The following KLHL3 variants were observed in gnomAD, a reference collection of about 807,000 sequenced individuals.
The protein encoded by KLHL3 is kelch like family member 3.
A neutral mutation model predicts 70.5 loss-of-function variants in KLHL3; 19 were observed. That is an observed-to-expected ratio of 0.27 (90% confidence interval 0.19 to 0.40). The LOEUF (loss-of-function observed/expected upper bound fraction) is 0.40. Ranked by LOEUF, KLHL3 falls within the 10% of genes least tolerant of loss-of-function variation. The probability of loss-of-function intolerance (pLI) is 1.00; values close to 1 mark genes in which losing one functional copy is unlikely to be tolerated. For missense variants in KLHL3, 512 were observed against 771.1 expected, an observed-to-expected ratio of 0.66 and a Z score of 3.98; for synonymous variants, 258 against 290.3, an observed-to-expected ratio of 0.89 and a Z score of 1.13.
Position 137,639,904 on chromosome 5 carries a change from C to T in KLHL3, c.977G>A (p.Arg326Gln), listed in dbSNP as rs527603640. Reference sequence around the variant, plus strand: ...AGGAAGCTCAGCAATCTGATCCCACCGGTCCTCCTCGAAATCATAGCACTC... The same window carrying T: ...AGGAAGCTCAGCAATCTGATCCCACTGGTCCTCCTCGAAATCATAGCACTC... ...SVECYDFEED[R>Q]WDQIAELPSR... Residue 326 changes from arginine to glutamine, a missense_variant, in exon 9 of 15, where the codon CGG (arginine) becomes CAG (glutamine). Physicochemically the swap from Arg to Gln is conservative, Grantham distance 43. Coordinates refer to ENST00000309755, the MANE Select transcript of KLHL3 (RefSeq NM_017415.3). The surrounding 1 kb of genome is among the most constrained non-coding windows in gnomAD (Gnocchi z 5.0). The T allele has an allele frequency of 2.7e-5, 44 of 1,614,102 alleles. No individual in the cohort carries two copies. Among genetic ancestry groups the T allele is most frequent in the South Asian group, 1.8e-4 (16 of 91,062 alleles).
At chr5:137,704,825 C>A (rs114504853) in intron 3 of KLHL3, among the ~76,000 whole-genome samples, 3,248 of 152,276 alleles carry the variant, frequency 0.021, 119 homozygotes, top group African/African-American at 0.074. Flanking sequence ...ACCTTCAAAT[C>A]TGGGTATCTG....
At chr5:137,704,226 A>G (rs945562189) in intron 3 of KLHL3, among the ~76,000 whole-genome samples, 2 of 152,110 alleles carry the variant, frequency 1.3e-5, no homozygotes, top group Admixed American at 1.3e-4. Context: ...TCTACTAAAA[A>G]TACAAAAAAT....
chr5:137,637,416 G>T (rs1750796013), intron 10 of KLHL3, 21 bp from the exon 11 acceptor site: 1 of 1,608,110 alleles, frequency 6.2e-7, no homozygotes, highest in South Asian at 1.1e-5. Context: ...AGAGACTCAT[G>T]AGACTTCCGT....
chr5:137,628,056 C>G, intron 13 of KLHL3: 1 of 527,018 alleles, frequency 1.9e-6, no homozygotes, highest in Non-Finnish European at 3.4e-6. Flanking sequence ...TAAAAGTCAT[C>G]ACCCTTCACT....
intron 7 of KLHL3, among the ~76,000 whole-genome samples, chr5:137,659,405 AT>A (rs1452251118): frequency 6.6e-6 from 1 of 152,168 alleles, no homozygotes; most frequent in African/African-American, 2.4e-5. Flanking sequence ...GCTGGGCAGC[AT>A]TGGAGCTGGC....
chr5:137,693,714 G>A (rs528044758), intron 4 of KLHL3, among the ~76,000 whole-genome samples: 1 of 152,274 alleles, frequency 6.6e-6, no homozygotes, highest in South Asian at 2.1e-4. Context: ...CCTTGCCCCA[G>A]GCCTTTGCTC....
At chr5:137,704,213 G>A (rs34389328) in intron 3 of KLHL3, among the ~76,000 whole-genome samples, 65 of 152,076 alleles carry the variant, frequency 4.3e-4, no homozygotes, top group Middle Eastern at 3.4e-3. Context: ...GTGAAACCCC[G>A]TCTCTACTAA....
intron 6 of KLHL3, chr5:137,671,828 G>GA (rs1736833617): frequency 1.3e-5 from 2 of 152,190 alleles, no homozygotes; most frequent in Admixed American, 1.3e-4. Flanking sequence ...GTAGTAACTG[G>GA]AAGGGGGTTC....
intron 8 of KLHL3, among the ~76,000 whole-genome samples, chr5:137,643,344 G>A (rs1343347402): frequency 3.8e-5 from 5 of 133,144 alleles, no homozygotes; most frequent in Admixed American, 2.4e-4. Flanking sequence ...AACAGAGTGA[G>A]ACCCTGTCTC....
At chr5:137,728,914 C>A (rs1315646611) in intron 1 of KLHL3, among the ~76,000 whole-genome samples, 4 of 151,562 alleles carry the variant, frequency 2.6e-5, no homozygotes, top group East Asian at 1.9e-4. Context: ...GTACAACAAA[C>A]CTCTGTGACA....
At chr5:137,694,972 G>A (rs1227364613) in intron 4 of KLHL3, among the ~76,000 whole-genome samples, 1 of 152,046 alleles carries the variant, frequency 6.6e-6, no homozygotes, top group East Asian at 1.9e-4. Context: ...CCATCCAAGA[G>A]GATTTCTGAG....
intron 1 of KLHL3, among the ~76,000 whole-genome samples, chr5:137,729,355 C>T (rs1439674742): frequency 6.6e-6 from 1 of 152,182 alleles, no homozygotes; most frequent in Non-Finnish European, 1.5e-5. Context: ...GAAGAAAGCC[C>T]TCGGTCCAAC....
intron 5 of KLHL3, among the ~76,000 whole-genome samples, chr5:137,679,226 C>T (rs1751964491): frequency 6.6e-6 from 1 of 151,976 alleles, no homozygotes; most frequent in Non-Finnish European, 1.5e-5. Context: ...CTTTCTGATC[C>T]CAGAAGTCTT....
intron 14 of KLHL3, among the ~76,000 whole-genome samples, chr5:137,625,345 T>A (rs1750432950): frequency 6.6e-6 from 1 of 152,252 alleles, no homozygotes; most frequent in Non-Finnish European, 1.5e-5. Context: ...TCATCTTGTC[T>A]TCCCAGTTGT....
chr5:137,729,570 C>T (rs1341019655), intron 1 of KLHL3, among the ~76,000 whole-genome samples: 2 of 152,118 alleles, frequency 1.3e-5, no homozygotes, highest in East Asian at 3.8e-4. Flanking sequence ...TGCAGGCCCT[C>T]AGGAATATCT....
intron 5 of KLHL3, among the ~76,000 whole-genome samples, chr5:137,687,197 G>A (rs1176210409): frequency 1.7e-4 from 7 of 41,960 alleles, no homozygotes; most frequent in South Asian, 1.0e-3. Context: ...CCCCTACTGG[G>A]AAGTGAGGAG....
At chr5:137,637,511 G>A (rs900139489) in intron 10 of KLHL3, 116 bp from the exon 11 acceptor site, 3 of 788,874 alleles carry the variant, frequency 3.8e-6, no homozygotes, top group African/African-American at 3.4e-5. Context: ...TAAATGTATG[G>A]CTCAGTACCA....
intron 5 of KLHL3, among the ~76,000 whole-genome samples, chr5:137,682,097 T>C (rs1481153302): frequency 6.6e-6 from 1 of 151,868 alleles, no homozygotes; most frequent in Non-Finnish European, 1.5e-5. Context: ...GCTAACACCA[T>C]TCTAAGCATT....
intron 13 of KLHL3, 150 bp from the exon 14 acceptor site, chr5:137,626,046 G>A: frequency 1.1e-6 from 1 of 912,874 alleles, no homozygotes; most frequent in South Asian, 1.8e-5. Flanking sequence ...GTTTGAGTTT[G>A]CTAAGTGAAA....
Sources: allele counts gnomAD v4.1 joint callset (sites outside exome capture counted in the v4.1 genomes callset), GRCh38; gene constraint gnomAD v4.1.1; non-coding constraint Gnocchi (gnomAD v3.1); transcripts MANE v1.5; gene names NCBI Gene and HGNC (gene_info 2026-07-23, HGNC 2026-07-21).